Variants in CAMKMT observed in about 807,000 individuals in gnomAD.
The protein encoded by CAMKMT is CaM KMT.
Under a neutral mutation model 48.0 loss-of-function variants are expected in CAMKMT, and 53 were observed. The ratio of observed to expected loss-of-function variants is 1.10; its 90% CI spans 0.89 to 1.39. The LOEUF (loss-of-function observed/expected upper bound fraction) is 1.39. Ranked by LOEUF, CAMKMT falls within the 40% of genes most tolerant of loss-of-function variation. The pLI is 0.00. For missense variants in CAMKMT, 428 were observed against 402.7 expected, an observed-to-expected ratio of 1.06 and a Z score of -0.54; for synonymous variants, 165 against 152.3, an observed-to-expected ratio of 1.08 and a Z score of -0.61.
At chr2:44,431,893 G>C (rs1684672498) in intron 3 of CAMKMT, among the ~76,000 whole-genome samples, 1 of 152,144 alleles carries the variant, frequency 6.6e-6, no homozygotes, top group Non-Finnish European at 1.5e-5. Flanking sequence ...AAGAAATCAA[G>C]TACCCAATTT....
chr2:44,768,375 T>C (rs1680947720), intron 10 of CAMKMT, among the ~76,000 whole-genome samples: 1 of 135,034 alleles, frequency 7.4e-6, no homozygotes, highest in African/African-American at 2.9e-5. Flanking sequence ...TTTTTTTTTT[T>C]TTAATAATGA....
chr2:44,769,931 C>T (rs1681036641), intron 10 of CAMKMT, among the ~76,000 whole-genome samples: 1 of 152,274 alleles, frequency 6.6e-6, no homozygotes, highest in East Asian at 1.9e-4. Context: ...TAAGGCTGAG[C>T]GTGTTACATC....
In CAMKMT at chr2:44,435,023, C is replaced by T. The variant is rs80142213; in HGVS notation, c.376+44718C>T. ...CACGTATGTTTTCAAATATGAGCAT[C>T]GTTAGGTTCTTTTGAACAACAGTAC... On this transcript the variant is annotated intron_variant, in intron 3 of 10. Transcript: ENST00000378494. 4.0e-3 allele frequency among the ~76,000 whole-genome samples: 613 copies of T among 152,164 alleles called. 6 individuals carry two copies. Among genetic ancestry groups the T allele is most frequent in the African/African-American group, 0.014 (568 of 41,526 alleles).
At chr2:44,691,984 C>T (rs343980) in intron 3 of CAMKMT, among the ~76,000 whole-genome samples, 15,958 of 152,194 alleles carry the variant, frequency 0.1, 1,044 homozygotes, top group South Asian at 0.17. Flanking sequence ...ATATATTGTA[C>T]AGAGTGAGTC....
intron 3 of CAMKMT, among the ~76,000 whole-genome samples, chr2:44,630,856 A>G (rs1307496235): frequency 6.6e-6 from 1 of 151,918 alleles, no homozygotes; most frequent in South Asian, 2.1e-4. Context: ...TCAGGGATCT[A>G]GAACTAGAAA....
At chr2:44,528,822 A>G (rs1002253854) in intron 3 of CAMKMT, among the ~76,000 whole-genome samples, 4 of 152,020 alleles carry the variant, frequency 2.6e-5, no homozygotes, top group African/African-American at 9.7e-5. Flanking sequence ...TCTCCTGTGA[A>G]CTGGCAGGTT....
chr2:44,454,651 A>G (rs1426721832), intron 3 of CAMKMT, among the ~76,000 whole-genome samples: 1 of 151,876 alleles, frequency 6.6e-6, no homozygotes, highest in Non-Finnish European at 1.5e-5. Flanking sequence ...TTTTTTTTCC[A>G]TTTCTGATCT....
chr2:44,500,795 C>T (rs887728666), intron 3 of CAMKMT, among the ~76,000 whole-genome samples: 2 of 151,742 alleles, frequency 1.3e-5, no homozygotes, highest in African/African-American at 4.8e-5. Context: ...GATTCTCCTG[C>T]CTCAGCCTCC....
intron 3 of CAMKMT, among the ~76,000 whole-genome samples, chr2:44,513,912 G>C (rs1408528355): frequency 6.6e-6 from 1 of 151,934 alleles, no homozygotes; most frequent in African/African-American, 2.4e-5. Context: ...ACCAGCCTGG[G>C]CAACATGATG....
At chr2:44,651,345 T>G (rs1313154490) in intron 3 of CAMKMT, among the ~76,000 whole-genome samples, 1 of 152,228 alleles carries the variant, frequency 6.6e-6, no homozygotes, top group African/African-American at 2.4e-5. Context: ...CAAAAGTTCT[T>G]GTAATGACCT....
intron 3 of CAMKMT, among the ~76,000 whole-genome samples, chr2:44,667,962 C>A (rs1675097336): frequency 6.6e-6 from 1 of 152,176 alleles, no homozygotes; most frequent in South Asian, 2.1e-4. Flanking sequence ...ATGCCCCTTC[C>A]TCTCTCACTT....
At chr2:44,561,338 T>A (rs549741563) in intron 3 of CAMKMT, among the ~76,000 whole-genome samples, 2 of 152,320 alleles carry the variant, frequency 1.3e-5, no homozygotes, top group South Asian at 4.1e-4. Flanking sequence ...TATGTGTACT[T>A]CCACAAGACT....
intron 3 of CAMKMT, among the ~76,000 whole-genome samples, chr2:44,582,215 T>G (rs1669604214): frequency 6.6e-6 from 1 of 152,208 alleles, no homozygotes; most frequent in African/African-American, 2.4e-5. Context: ...TAGTCTATTT[T>G]GACATTTAGA....
chr2:44,493,442 C>T (rs960107273), intron 3 of CAMKMT, among the ~76,000 whole-genome samples: 2 of 152,182 alleles, frequency 1.3e-5, no homozygotes, highest in African/African-American at 2.4e-5. Context: ...CTGTCTCTCT[C>T]AAGTCTAAAC....
rs1396020633 is a variant in CAMKMT, at chr2:44,772,447, A to G, written c.*334A>G. On this transcript the variant is annotated 3_prime_UTR_variant, in exon 11 of 11. Transcript: ENST00000378494. ...AATTGAGACAGAATTTCTTTTGATG[A>G]TACCCATCCCTCCTTCATTTTTTTT... is the stretch of plus-strand genomic sequence containing the variant. 2 of 199,736 alleles carry G rather than the reference A, an allele frequency of 1.0e-5. No individual in the cohort carries two copies. The highest frequency in any genetic ancestry group is 2.0e-5 in the Non-Finnish European group (2 of 102,414). The allele number at this position is 199,736 out of a possible 1,614,324, so 12.4% of individuals were successfully genotyped here.
intron 3 of CAMKMT, among the ~76,000 whole-genome samples, chr2:44,435,318 A>C (rs1666164598): frequency 6.6e-6 from 1 of 152,152 alleles, no homozygotes; most frequent in Non-Finnish European, 1.5e-5. Context: ...ATCATTGTGG[A>C]TTATTTATTG....
At chr2:44,711,265 A>G (rs1393494681) in intron 6 of CAMKMT, among the ~76,000 whole-genome samples, 1 of 152,154 alleles carries the variant, frequency 6.6e-6, no homozygotes, top group Non-Finnish European at 1.5e-5. Context: ...TATTTTTTGG[A>G]ATTAAATTAA....
At chr2:44,670,718 T>A (rs569157439) in intron 3 of CAMKMT, among the ~76,000 whole-genome samples, 1 of 152,278 alleles carries the variant, frequency 6.6e-6, no homozygotes, top group South Asian at 2.1e-4. Flanking sequence ...GGACCCCACC[T>A]CCAGAGTTTC....
At chr2:44,556,815 C>T (rs994155131) in intron 3 of CAMKMT, among the ~76,000 whole-genome samples, 3 of 150,714 alleles carry the variant, frequency 2.0e-5, no homozygotes, top group Non-Finnish European at 4.4e-5. Flanking sequence ...CAGTGGCTCA[C>T]GCCTGTAATC....
Sources: allele counts gnomAD v4.1 joint callset (sites outside exome capture counted in the v4.1 genomes callset), GRCh38; gene constraint gnomAD v4.1.1; transcripts MANE v1.5; gene names NCBI Gene and HGNC (gene_info 2026-07-23, HGNC 2026-07-21).